AKR1B15: variants seen among roughly 807,000 people sequenced by gnomAD.
The protein encoded by AKR1B15 is estradiol 17-beta-dehydrogenase AKR1B15.
A neutral mutation model predicts 38.5 loss-of-function variants in AKR1B15; 49 were observed. That is an observed-to-expected ratio of 1.27 (90% CI 1.01 to 1.62). AKR1B15 has a LOEUF of 1.62. Among genes scored for constraint, AKR1B15 ranks in the 40% most tolerant of loss-of-function variants. The pLI is 0.00. For synonymous variants in AKR1B15, 137 were observed against 135.5 expected (o/e 1.01, Z -0.08); for missense variants, 411 against 381.6 (o/e 1.08, Z -0.64).
chr7:134,575,969 A>G (rs1164640420), intron 8 of AKR1B15, 42 bp downstream of exon 8: 7 of 1,600,896 alleles, frequency 4.4e-6, no homozygotes, highest in Non-Finnish European at 6.0e-6. Flanking sequence ...GATAATCTTA[A>G]AAACATTATT....
At chr7:134,576,877 A>G in intron 9 of AKR1B15, 86 bp from the exon 10 acceptor site, 2 of 1,255,818 alleles carry the variant, frequency 1.6e-6, no homozygotes, top group Non-Finnish European at 2.3e-6. Context: ...AGCCACAGTG[A>G]GCTGCAGAGA....
intron 6 of AKR1B15, among the ~76,000 whole-genome samples, chr7:134,573,830 T>C (rs1162036315): frequency 7.9e-5 from 12 of 152,166 alleles, no homozygotes; most frequent in Admixed American, 7.9e-4. Flanking sequence ...AATTTAAAAA[T>C]CCCAATGTCT....
intron 2 of AKR1B15, among the ~76,000 whole-genome samples, chr7:134,557,464 T>C (rs1794238617): frequency 6.6e-6 from 1 of 152,044 alleles, no homozygotes; most frequent in Admixed American, 6.5e-5. Context: ...TTGCAGCCCC[T>C]TGTCCCCCTC....
chr7:134,575,923 C>G lies in AKR1B15; in HGVS notation c.739C>G (p.Pro247Ala). 6.2e-7 allele frequency: 1 copy of G among 1,612,942 alleles called. No homozygotes were observed. The highest frequency in any genetic ancestry group is 8.5e-7 in the Non-Finnish European group (1 of 1,179,598). Residue 247 changes from proline to alanine, a missense_variant, in exon 8 of 12, where the codon CCT becomes GCT. Coordinates refer to ENST00000457545, the MANE Select transcript of AKR1B15 (RefSeq NM_001080538.3). ...AYSPLGSPDR[P>A]WAKPEDPSLL... is the part of the protein sequence containing the mutation. ...CAGCCCCCTGGGCTCTCCGGATAGA[C>G]CTTGGTGAGGCTTCCAAGTGGTGGG...
At chr7:134,558,311 A>G (rs991513442) in intron 2 of AKR1B15, among the ~76,000 whole-genome samples, 6 of 152,242 alleles carry the variant, frequency 3.9e-5, no homozygotes, top group South Asian at 2.1e-4. Context: ...AATGCCTCCA[A>G]TTGGTAGTTA....
chr7:134,562,846 C>CT (rs772363029), intron 2 of AKR1B15, among the ~76,000 whole-genome samples: 18 of 91,804 alleles, frequency 2.0e-4, no homozygotes, highest in African/African-American at 9.4e-4. Flanking sequence ...TTCTTTCTTT[C>CT]TTTCTTTCTT....
chr7:134,571,185 C>T lies in AKR1B15; in HGVS notation c.436-419C>T, dbSNP rs188316622. Among the ~76,000 whole-genome samples the T allele has an allele frequency of 9.8e-4, 149 of 152,254 alleles. No homozygotes were observed. The Middle Eastern group carries it at 0.028, about 28-fold the overall frequency. On this transcript the variant is annotated intron_variant, in intron 5 of 11. Coordinates refer to ENST00000457545, the MANE Select transcript of AKR1B15 (RefSeq NM_001080538.3). ...CTGGAGTGATGATGGCCTGCCATCC[C>T]GAATTCCACGCCTCTTCTAGAGGCT...
At chr7:134,578,860 G>T (rs6973824) in intron 11 of AKR1B15, among the ~76,000 whole-genome samples, 1 of 151,922 alleles carries the variant, frequency 6.6e-6, no homozygotes, top group East Asian at 1.9e-4. Context: ...TAAAAAGGAA[G>T]GGTGAACATA....
At chr7:134,577,142 T>A (rs1219463825) in intron 10 of AKR1B15, 96 bp downstream of exon 10, 1 of 1,285,268 alleles carries the variant, frequency 7.8e-7, no homozygotes, top group Non-Finnish European at 1.1e-6. Flanking sequence ...TGCACTGTCT[T>A]TGGCCCCCTC....
intron 6 of AKR1B15, among the ~76,000 whole-genome samples, chr7:134,572,773 A>T (rs1226397315): frequency 6.6e-6 from 1 of 152,168 alleles, no homozygotes; most frequent in African/African-American, 2.4e-5. Context: ...TTATTATACC[A>T]TTATGTCCTT....
chr7:134,574,801 A>G (rs1794728181), intron 6 of AKR1B15, among the ~76,000 whole-genome samples: 1 of 152,214 alleles, frequency 6.6e-6, no homozygotes, highest in African/African-American at 2.4e-5. Flanking sequence ...GCATGGCTGG[A>G]TATGCAAACA....
At chr7:134,550,973 T>C (rs1255314802) in intron 1 of AKR1B15, among the ~76,000 whole-genome samples, 2 of 152,176 alleles carry the variant, frequency 1.3e-5, no homozygotes, top group African/African-American at 2.4e-5. Flanking sequence ...GATCAATGGC[T>C]AGATTTAGTC....
intron 6 of AKR1B15, among the ~76,000 whole-genome samples, chr7:134,573,809 A>G (rs1397354988): frequency 1.3e-5 from 2 of 152,224 alleles, no homozygotes; most frequent in African/African-American, 4.8e-5. Flanking sequence ...GGGCATTAGA[A>G]TCACCTGAGG....
At chr7:134,573,384 G>C in intron 6 of AKR1B15, 1 of 985,352 alleles carries the variant, frequency 1.0e-6, no homozygotes, top group Non-Finnish European at 1.2e-6. Context: ...ATGATATGAA[G>C]TATGGCAAGT....
rs1794420503 is a variant in AKR1B15, at chr7:134,562,360, C to T, written c.-22-2238C>T. Among the ~76,000 whole-genome samples, 2 of 152,102 alleles carry T rather than the reference C, an allele frequency of 1.3e-5. 1 individual carries two copies. Among genetic ancestry groups the T allele is most frequent in the South Asian group, 4.1e-4 (2 of 4,826 alleles). On this transcript the variant is annotated intron_variant, in intron 2 of 11. Coordinates refer to ENST00000457545, the MANE Select transcript of AKR1B15 (RefSeq NM_001080538.3). ...CGTTGCTGCTGGGGGCTGGGGTGAC[C>T]AGCTTTAATTCCCTTATTTGTCCCT...
intron 1 of AKR1B15, among the ~76,000 whole-genome samples, chr7:134,549,717 A>G (rs1338618498): frequency 6.6e-6 from 1 of 152,040 alleles, no homozygotes; most frequent in Non-Finnish European, 1.5e-5. Flanking sequence ...CATCTGACTG[A>G]TCCCATCACG....
At chr7:134,569,191 C>T (rs1249101438) in intron 4 of AKR1B15, among the ~76,000 whole-genome samples, 2 of 152,196 alleles carry the variant, frequency 1.3e-5, no homozygotes, top group Admixed American at 1.3e-4. Context: ...TTATAGAGTA[C>T]TAGGAGAGTT....
Position 134,563,102 on chromosome 7 carries a change from A to G in AKR1B15, c.-22-1496A>G, listed in dbSNP as rs375302191. 4.0e-5 allele frequency among the ~76,000 whole-genome samples: 6 copies of G among 151,684 alleles called. No individual in the cohort carries two copies. The South Asian group carries it at 6.2e-4, about 16-fold the overall frequency. The stretch of plus-strand genomic sequence containing the variant: ...GTTGACTCATCGTGAACAAACAGAA[A>G]CTCCAATGATACTGTTACCCAAGAG... On this transcript the variant is annotated intron_variant, in intron 2 of 11. Transcript: ENST00000457545.
chr7:134,560,088 A>G (rs1184332485), intron 2 of AKR1B15, among the ~76,000 whole-genome samples: 1 of 150,598 alleles, frequency 6.6e-6, no homozygotes, highest in African/African-American at 2.5e-5. Flanking sequence ...AGCCTGGGTG[A>G]CAGAGCGAGA....
Sources: gnomAD v4.1 joint callset for allele counts (sites outside exome capture counted in the v4.1 genomes callset) on GRCh38, gnomAD v4.1.1 for gene constraint, MANE v1.5 for transcripts, NCBI Gene and HGNC (gene_info 2026-07-23, HGNC 2026-07-21) for gene names.